The following SPOCK1 variants were observed in gnomAD, a reference collection of about 807,000 sequenced individuals.
SPOCK1 encodes the protein testican-1.
A neutral mutation model predicts 55.3 loss-of-function variants in SPOCK1; 23 were observed. The observed-to-expected ratio is 0.42, with a 90% CI of 0.30 to 0.59. The LOEUF is 0.59. Among genes scored for constraint, SPOCK1 ranks in the 20% least tolerant of loss-of-function variants. The pLI is 0.22. For missense variants in SPOCK1, 499 were observed against 552.5 expected (o/e 0.90, Z 0.97); for synonymous variants, 226 against 221.0 (o/e 1.02, Z -0.20).
chr5:137,304,435 T>C (rs886926726), intron 2 of SPOCK1, among the ~76,000 whole-genome samples: 2 of 152,182 alleles, frequency 1.3e-5, no homozygotes, highest in African/African-American at 4.8e-5. Context: ...GCATATGCTT[T>C]GCCAAGTTTA....
intron 6 of SPOCK1, among the ~76,000 whole-genome samples, chr5:137,007,698 AAATT>A (rs1468160747): frequency 6.6e-6 from 1 of 152,184 alleles, no homozygotes; most frequent in Non-Finnish European, 1.5e-5. Context: ...GTGGGAGTGT[AAATT>A]AATTCAATGA....
intron 2 of SPOCK1, among the ~76,000 whole-genome samples, chr5:137,397,697 G>A (rs1319001678): frequency 6.6e-6 from 1 of 152,168 alleles, no homozygotes; most frequent in Non-Finnish European, 1.5e-5. Flanking sequence ...TTGACCTTGA[G>A]CAAGTCACTT....
At chr5:137,151,946 A>G (rs1014290889) in intron 3 of SPOCK1, among the ~76,000 whole-genome samples, 1 of 152,224 alleles carries the variant, frequency 6.6e-6, no homozygotes, top group Admixed American at 6.5e-5. Flanking sequence ...AAGACTATTC[A>G]TTTCCAAGCC....
At chr5:137,196,212 C>G (rs1755295795) in intron 3 of SPOCK1, among the ~76,000 whole-genome samples, 1 of 152,170 alleles carries the variant, frequency 6.6e-6, no homozygotes, top group African/African-American at 2.4e-5. Flanking sequence ...CTAGTGCAAC[C>G]TAAGACTAAT....
intron 3 of SPOCK1, among the ~76,000 whole-genome samples, chr5:137,226,027 GCTCAACAGGGACATCCAGA>G (rs1755940569): frequency 6.6e-6 from 1 of 152,192 alleles, no homozygotes; most frequent in African/African-American, 2.4e-5. Context: ...CAAGGCCACA[GCTCAACAGGGACATCCAGA>G]CCCAACCTAA....
chr5:137,280,091 T>C (rs1397694283), intron 2 of SPOCK1, among the ~76,000 whole-genome samples: 1 of 152,126 alleles, frequency 6.6e-6, no homozygotes, highest in Non-Finnish European at 1.5e-5. Flanking sequence ...CACTCGGCCT[T>C]TGAAAGGTCA....
intron 2 of SPOCK1, among the ~76,000 whole-genome samples, chr5:137,378,649 G>T (rs183388320): frequency 1.2e-3 from 177 of 152,342 alleles, no homozygotes; most frequent in African/African-American, 4.0e-3. Context: ...AAATCAGCTG[G>T]ACAGAGTTCC....
At chr5:137,158,889 A>C (rs1183459436) in intron 3 of SPOCK1, among the ~76,000 whole-genome samples, 1 of 152,188 alleles carries the variant, frequency 6.6e-6, no homozygotes, top group Non-Finnish European at 1.5e-5. Context: ...CAAATTGCCA[A>C]CTTCTCATGT....
chr5:137,358,543 G>A (rs1035906393), intron 2 of SPOCK1, among the ~76,000 whole-genome samples: 3 of 150,468 alleles, frequency 2.0e-5, no homozygotes, highest in Admixed American at 1.3e-4. Context: ...GAAGGAAGAG[G>A]GGAAGGTGGA....
intron 5 of SPOCK1, among the ~76,000 whole-genome samples, chr5:137,073,453 T>C (rs892980578): frequency 6.6e-6 from 1 of 152,144 alleles, no homozygotes; most frequent in African/African-American, 2.4e-5. Flanking sequence ...TTGACTACAC[T>C]TGAGAAACAG....
intron 2 of SPOCK1, among the ~76,000 whole-genome samples, chr5:137,393,460 C>T (rs1751770939): frequency 6.6e-6 from 1 of 152,226 alleles, no homozygotes; most frequent in Non-Finnish European, 1.5e-5. Context: ...GCCAGGAGAC[C>T]AGCCAAGGTG....
chr5:137,177,507 G>T (rs1754878468), intron 3 of SPOCK1, among the ~76,000 whole-genome samples: 1 of 152,078 alleles, frequency 6.6e-6, no homozygotes, highest in African/African-American at 2.4e-5. Flanking sequence ...AAAAGAAGAG[G>T]TGGGAATCAT....
intron 5 of SPOCK1, among the ~76,000 whole-genome samples, chr5:137,090,182 C>T (rs1753028620): frequency 6.6e-6 from 1 of 152,204 alleles, no homozygotes; most frequent in Non-Finnish European, 1.5e-5. Flanking sequence ...GGTTGTATTT[C>T]AATGAAGAAG....
intron 3 of SPOCK1, among the ~76,000 whole-genome samples, chr5:137,224,786 C>G (rs576340164): frequency 6.6e-6 from 1 of 152,160 alleles, no homozygotes; most frequent in Non-Finnish European, 1.5e-5. Flanking sequence ...AGCATGGGAG[C>G]CTTGTCCTTC....
intron 6 of SPOCK1, among the ~76,000 whole-genome samples, chr5:136,999,106 GCAGA>G (rs967109224): frequency 2.6e-5 from 4 of 152,304 alleles, no homozygotes; most frequent in Non-Finnish European, 2.9e-5. Flanking sequence ...GGATTTGAAT[GCAGA>G]CAGTGTTCAA....
intron 2 of SPOCK1, among the ~76,000 whole-genome samples, chr5:137,269,915 T>A (rs915543595): frequency 2.9e-4 from 44 of 149,294 alleles, no homozygotes; most frequent in African/African-American, 5.6e-4. Flanking sequence ...GCCAGGCTTT[T>A]AAAAAAAAAA....
At chr5:137,387,863 A>C (rs990736108) in intron 2 of SPOCK1, among the ~76,000 whole-genome samples, 5 of 54,468 alleles carry the variant, frequency 9.2e-5, no homozygotes, top group African/African-American at 5.0e-4. Flanking sequence ...AAAACTGCTA[A>C]AAAAAAAAAT....
At chr5:137,128,766 GC>G (rs998915526) in intron 4 of SPOCK1, among the ~76,000 whole-genome samples, 16 of 152,182 alleles carry the variant, frequency 1.1e-4, no homozygotes, top group African/African-American at 3.9e-4. Context: ...ACTAAGTAAT[GC>G]TCCTTATCTG....
chr5:137,353,879 C>T (rs778160582), intron 2 of SPOCK1, among the ~76,000 whole-genome samples: 10 of 152,026 alleles, frequency 6.6e-5, no homozygotes, highest in Non-Finnish European at 1.5e-4. Context: ...GTTTCCATTC[C>T]TTACCCATAC....
Sources: allele counts gnomAD v4.1 joint callset (sites outside exome capture counted in the v4.1 genomes callset), GRCh38; gene constraint gnomAD v4.1.1; transcripts MANE v1.5; gene names NCBI Gene and HGNC (gene_info 2026-07-23, HGNC 2026-07-21).